The following DNAH5 variants were observed in gnomAD, a reference collection of about 807,000 sequenced individuals.
DNAH5 encodes axonemal beta dynein heavy chain 5.
In DNAH5, 372 loss-of-function variants were observed where a neutral mutation model predicts 518.2. The observed-to-expected ratio is 0.72, with a 90% CI of 0.66 to 0.78. The LOEUF (loss-of-function observed/expected upper bound fraction) is 0.78, where lower values mean the gene tolerates loss of function less well. Ranked by LOEUF, DNAH5 falls within the 30% of genes least tolerant of loss-of-function variation. The pLI, the probability that DNAH5 is intolerant of heterozygous loss-of-function variation, is 0.00. For synonymous variants in DNAH5, 2,039 were observed against 2,025.9 expected (o/e 1.01, Z -0.17); for missense variants, 5,523 against 5,687.0 (o/e 0.97, Z 0.93).
chr5:13,957,480 C>T (rs1581040181), intron 1 of DNAH5, among the ~76,000 whole-genome samples: 1 of 152,198 alleles, frequency 6.6e-6, no homozygotes, highest in African/African-American at 2.4e-5. Context: ...CCACAAGAAA[C>T]TTGTCTTTAT....
chr5:13,951,198 TGTTTTTTTCG>T (rs1780370015), intron 1 of DNAH5, among the ~76,000 whole-genome samples: 1 of 126,728 alleles, frequency 7.9e-6, no homozygotes. Flanking sequence ...GTTTTTTTTT[TGTTTTTTTCG>T]TTTTTTTTTT....
At chr5:13,907,412 G>GA (rs1298423467) in intron 12 of DNAH5, among the ~76,000 whole-genome samples, 2 of 152,092 alleles carry the variant, frequency 1.3e-5, no homozygotes, top group African/African-American at 4.8e-5. Flanking sequence ...GCCTGGGCAA[G>GA]AGTGAAACTC....
intron 56 of DNAH5, among the ~76,000 whole-genome samples, chr5:13,770,022 G>T (rs934803308): frequency 6.6e-6 from 1 of 152,136 alleles, no homozygotes; most frequent in African/African-American, 2.4e-5. Flanking sequence ...AGAATGATGT[G>T]GGCTTAAGAA....
At chr5:13,831,320 T>C (rs1391708418) in intron 35 of DNAH5, among the ~76,000 whole-genome samples, 2 of 152,220 alleles carry the variant, frequency 1.3e-5, no homozygotes, top group Admixed American at 1.3e-4. Context: ...TTCAATTGCA[T>C]CTTACTATAT....
chr5:13,817,527 T>G (rs149937624), intron 42 of DNAH5, 21 bp downstream of exon 42: 2 of 1,611,648 alleles, frequency 1.2e-6, no homozygotes, highest in Non-Finnish European at 8.5e-7. Flanking sequence ...TCAAAAATAA[T>G]CCTTGTAATT....
At chr5:13,879,335 T>C (rs1293143282) in intron 21 of DNAH5, among the ~76,000 whole-genome samples, 1 of 152,112 alleles carries the variant, frequency 6.6e-6, no homozygotes, top group Non-Finnish European at 1.5e-5. Flanking sequence ...TCCCAATAAA[T>C]CCATCATAAG....
chr5:13,886,394 A>G (rs977338723), intron 17 of DNAH5, among the ~76,000 whole-genome samples: 47 of 152,186 alleles, frequency 3.1e-4, no homozygotes, highest in African/African-American at 1.1e-3. Flanking sequence ...TATCTTCAAA[A>G]GCCATCAGCA....
intron 49 of DNAH5, among the ~76,000 whole-genome samples, chr5:13,792,628 T>A (rs553700843): frequency 6.6e-6 from 1 of 152,242 alleles, no homozygotes; most frequent in South Asian, 2.1e-4. Context: ...TTATGTAAAA[T>A]TTTCCAGGCA....
At chr5:13,753,168 G>A in intron 63 of DNAH5, 65 bp downstream of exon 63, 1 of 1,244,670 alleles carries the variant, frequency 8.0e-7, no homozygotes, top group Middle Eastern at 1.9e-4. Context: ...TTTACTCTTG[G>A]ATTTTTGTTT....
chr5:13,951,208 G>GTTTTTTTTTTTTTTTTTTTT (rs869082404), intron 1 of DNAH5, among the ~76,000 whole-genome samples: 3 of 66,598 alleles, frequency 4.5e-5, no homozygotes, highest in African/African-American at 6.5e-5. Flanking sequence ...TGTTTTTTTC[G>GTTTTTTTTTTTTTTTTTTTT]TTTTTTTTTT....
At chr5:13,792,628 T>G (rs553700843) in intron 49 of DNAH5, among the ~76,000 whole-genome samples, 1 of 152,124 alleles carries the variant, frequency 6.6e-6, no homozygotes, top group Non-Finnish European at 1.5e-5. Context: ...TTATGTAAAA[T>G]TTTCCAGGCA....
chr5:13,907,146 C>T lies in DNAH5; in HGVS notation c.1644+4240G>A, dbSNP rs915757899. On this transcript the variant is annotated intron_variant, in intron 12 of 78. Coordinates refer to ENST00000265104, the MANE Select transcript of DNAH5 (RefSeq NM_001369.3). ...TCTGTCAAATTAGAATCTAGCAGAA[C>T]GAGGCCAGGCACGGTGGCTCACGAC... Among the ~76,000 whole-genome samples the T allele has an allele frequency of 5.3e-5, 8 of 151,978 alleles. No homozygotes were observed. The South Asian group carries it at 8.3e-4, about 16-fold the overall frequency.
At chr5:13,834,616 G>A (rs1205291471) in intron 35 of DNAH5, among the ~76,000 whole-genome samples, 5 of 152,126 alleles carry the variant, frequency 3.3e-5, no homozygotes, top group African/African-American at 7.2e-5. Flanking sequence ...GCGGGAGGTC[G>A]GGAGACCCTC....
At chr5:13,782,324 T>A (rs138907390) in intron 52 of DNAH5, among the ~76,000 whole-genome samples, 1 of 152,156 alleles carries the variant, frequency 6.6e-6, no homozygotes, top group African/African-American at 2.4e-5. Flanking sequence ...CTGTTGAAAA[T>A]ATGCCTGGTT....
chr5:13,834,615 C>T (rs1287715573), intron 35 of DNAH5, among the ~76,000 whole-genome samples: 1 of 152,072 alleles, frequency 6.6e-6, no homozygotes, highest in African/African-American at 2.4e-5. Flanking sequence ...TGCGGGAGGT[C>T]GGGAGACCCT....
rs1450062401 is a variant in DNAH5, at chr5:13,807,651, AG to A, written c.7826del (p.Pro2609LeufsTer5). 1 of 1,612,584 alleles carries A rather than the reference AG, an allele frequency of 6.2e-7. No homozygotes were observed. The highest frequency in any genetic ancestry group is 1.1e-5 in the South Asian group (1 of 90,832). ...IIKGFMSKYD[P>X]ECHMIKSLNF... ...TCAGACTCTTGATCATGTGACATTC[AG>A]GATCATATTTTGACATAAATCCTTT... On this transcript the variant is annotated frameshift_variant, in exon 47 of 79. Transcript: ENST00000265104. LOFTEE classifies it high-confidence loss of function.
Position 13,899,990 on chromosome 5 carries a change from A to G in DNAH5, c.2259+216T>C, listed in dbSNP as rs1472642542. On this transcript the variant is annotated intron_variant, in intron 15 of 78. Coordinates refer to ENST00000265104, the MANE Select transcript of DNAH5 (RefSeq NM_001369.3). ...AAATCCTCCAATGGTTTCCTGGTAC[A>G]CTCAAAATAAAACCCAAGCTTCTCA... 6 of 570,818 alleles carry G rather than the reference A, an allele frequency of 1.1e-5. No individual in the cohort carries two copies. The East Asian group carries it at 1.5e-4, about 14-fold the overall frequency. 35.4% of individuals were successfully genotyped at this position (570,818 alleles called of 1,614,324 possible).
At chr5:13,857,733 G>A (rs559789812) in intron 30 of DNAH5, among the ~76,000 whole-genome samples, 40 of 152,132 alleles carry the variant, frequency 2.6e-4, no homozygotes, top group Admixed American at 3.9e-4. Flanking sequence ...TCTGATATTC[G>A]ACAAACCTGA....
At chr5:13,721,907 A>G (rs1745104662) in intron 70 of DNAH5, among the ~76,000 whole-genome samples, 1 of 152,240 alleles carries the variant, frequency 6.6e-6, no homozygotes, top group Admixed American at 6.5e-5. Flanking sequence ...ATGAGGTAAA[A>G]GAGTTATAAT....
Sources: allele counts gnomAD v4.1 joint callset (sites outside exome capture counted in the v4.1 genomes callset), GRCh38; gene constraint gnomAD v4.1.1; transcripts MANE v1.5; gene names NCBI Gene and HGNC (gene_info 2026-07-23, HGNC 2026-07-21).